Variants in ENOX1 observed in about 807,000 individuals in gnomAD.
ENOX1 encodes candidate growth-related and time keeping constitutive hydroquinone (NADH) oxidase.
Under a neutral mutation model 82.5 loss-of-function variants are expected in ENOX1, and 42 were observed. The observed-to-expected ratio is 0.51, with a 90% confidence interval of 0.40 to 0.66. The LOEUF is 0.66. ENOX1 is among the 30% of genes least tolerant of loss of function. The probability of loss-of-function intolerance (pLI) is 0.00; values close to 1 mark genes in which losing one functional copy is unlikely to be tolerated. For synonymous variants in ENOX1, 271 were observed against 282.2 expected (o/e 0.96, Z 0.40); for missense variants, 608 against 811.6 (o/e 0.75, Z 3.05).
At chr13:43,711,565 C>T in intron 1 of ENOX1, among the ~76,000 whole-genome samples, 1 of 152,102 alleles carries the variant, frequency 6.6e-6, no homozygotes, top group Non-Finnish European at 1.5e-5. Flanking sequence ...TATTTCTCCA[C>T]ATCCTCTCCA....
At chr13:43,701,970 C>T (rs1255146037) in intron 1 of ENOX1, among the ~76,000 whole-genome samples, 2 of 152,102 alleles carry the variant, frequency 1.3e-5, no homozygotes, top group Admixed American at 1.3e-4. Flanking sequence ...TTCTTCTAAC[C>T]CCACCAGGGA....
chr13:43,525,960 T>C (rs1384255109), intron 2 of ENOX1, among the ~76,000 whole-genome samples: 4 of 152,158 alleles, frequency 2.6e-5, no homozygotes, highest in African/African-American at 9.7e-5. Flanking sequence ...CTTCATTTTT[T>C]AAGTTGGTTG....
intron 5 of ENOX1, among the ~76,000 whole-genome samples, chr13:43,372,282 C>T (rs1457134187): frequency 6.6e-6 from 1 of 152,144 alleles, no homozygotes; most frequent in Non-Finnish European, 1.5e-5. Context: ...ACTTACATTT[C>T]ACAGATAATG....
At chr13:43,576,742 TC>T (rs1408239886) in intron 2 of ENOX1, among the ~76,000 whole-genome samples, 2 of 152,174 alleles carry the variant, frequency 1.3e-5, no homozygotes, top group African/African-American at 4.8e-5. Flanking sequence ...AAATGTGGCT[TC>T]CAGAAAGATT....
chr13:43,643,621 GTA>G (rs2083758001), intron 2 of ENOX1, among the ~76,000 whole-genome samples: 2 of 148,114 alleles, frequency 1.4e-5, no homozygotes, highest in Non-Finnish European at 1.5e-5. Flanking sequence ...GTATATGTAT[GTA>G]TGTGTGTGTG....
chr13:43,322,258 A>G, intron 11 of ENOX1, 126 bp downstream of exon 11: 2 of 651,970 alleles, frequency 3.1e-6, no homozygotes, highest in Non-Finnish European at 5.3e-6. Context: ...AAGCAGAGTC[A>G]CTCAAAGATG....
At chr13:43,671,025 G>C (rs1042313153) in intron 1 of ENOX1, among the ~76,000 whole-genome samples, 10 of 152,118 alleles carry the variant, frequency 6.6e-5, no homozygotes, top group African/African-American at 2.4e-4. Context: ...ACATGTTGAG[G>C]GAGGGAAGTG....
intron 14 of ENOX1, among the ~76,000 whole-genome samples, chr13:43,249,875 C>T (rs1245668411): frequency 6.6e-6 from 1 of 152,190 alleles, no homozygotes; most frequent in Non-Finnish European, 1.5e-5. Context: ...TCTCTCTATT[C>T]ACCGCTGCCT....
At chr13:43,534,875 G>A (rs1380323167) in intron 2 of ENOX1, among the ~76,000 whole-genome samples, 1 of 152,170 alleles carries the variant, frequency 6.6e-6, no homozygotes, top group Non-Finnish European at 1.5e-5. Context: ...AGCCCAAAAT[G>A]ACAACAGGTT....
At chr13:43,723,788 C>T (rs2088736337) in intron 1 of ENOX1, among the ~76,000 whole-genome samples, 1 of 152,052 alleles carries the variant, frequency 6.6e-6, no homozygotes, top group Non-Finnish European at 1.5e-5. Context: ...CACACACACA[C>T]ACACATACAC....
At chr13:43,667,302 A>T in intron 2 of ENOX1, 177 bp downstream of exon 2, 1 of 224,252 alleles carries the variant, frequency 4.5e-6, no homozygotes. Context: ...GGTACTTTGT[A>T]AATGCTCCCC....
At chr13:43,419,210 G>GA (rs1361340478) in intron 3 of ENOX1, among the ~76,000 whole-genome samples, 6 of 152,040 alleles carry the variant, frequency 3.9e-5, no homozygotes, top group African/African-American at 1.4e-4. Flanking sequence ...GCTAGGTATT[G>GA]AAAAATCCTT....
At chr13:43,327,090 G>T (rs969695092) in intron 9 of ENOX1, among the ~76,000 whole-genome samples, 1 of 152,088 alleles carries the variant, frequency 6.6e-6, no homozygotes, top group Admixed American at 6.5e-5. Flanking sequence ...TTTCCTCCTT[G>T]GCTCCTTTTT....
chr13:43,569,879 C>G (rs1867162604), intron 2 of ENOX1, among the ~76,000 whole-genome samples: 3 of 152,166 alleles, frequency 2.0e-5, no homozygotes, highest in Admixed American at 6.5e-5. Context: ...TCATCCCACA[C>G]CACACCCTGG....
intron 2 of ENOX1, among the ~76,000 whole-genome samples, chr13:43,565,050 G>A (rs971016944): frequency 3.3e-5 from 5 of 152,138 alleles, no homozygotes; most frequent in African/African-American, 7.2e-5. Context: ...AATGGATACA[G>A]AGCATAAAAA....
At chr13:43,256,041 T>A (rs919455961) in intron 14 of ENOX1, among the ~76,000 whole-genome samples, 6 of 152,102 alleles carry the variant, frequency 3.9e-5, no homozygotes, top group African/African-American at 1.2e-4. Flanking sequence ...AACAAAGGTG[T>A]CAAAAACATA....
chr13:43,505,743 C>T (rs1309367161), intron 2 of ENOX1, among the ~76,000 whole-genome samples: 1 of 152,090 alleles, frequency 6.6e-6, no homozygotes, highest in East Asian at 1.9e-4. Flanking sequence ...TGTGCAGAAG[C>T]TCTTTAGTTT....
chr13:43,534,431 T>C (rs1193766162), intron 2 of ENOX1, among the ~76,000 whole-genome samples: 1 of 152,032 alleles, frequency 6.6e-6, no homozygotes, highest in Non-Finnish European at 1.5e-5. Flanking sequence ...TTTCCAGGGA[T>C]AATATTTTAC....
At chr13:43,626,807 T>C (rs1170700542) in intron 2 of ENOX1, among the ~76,000 whole-genome samples, 1 of 151,944 alleles carries the variant, frequency 6.6e-6, no homozygotes, top group Admixed American at 6.6e-5. Flanking sequence ...TTGATCCTAT[T>C]AGTTGATGGT....
Sources: gnomAD v4.1 joint callset for allele counts (sites outside exome capture counted in the v4.1 genomes callset) on GRCh38, gnomAD v4.1.1 for gene constraint, MANE v1.5 for transcripts, NCBI Gene and HGNC (gene_info 2026-07-23, HGNC 2026-07-21) for gene names.